The following FGFR1 variants were observed in gnomAD, a reference collection of about 807,000 sequenced individuals.
FGFR1 encodes FGFR1/PLAG1 fusion.
FGFR1 carries 18 observed loss-of-function variants against 93.7 expected under a neutral mutation model. The ratio of observed to expected loss-of-function variants is 0.19; its 90% confidence interval spans 0.13 to 0.28. FGFR1 has a LOEUF of 0.28. Among genes scored for constraint, FGFR1 ranks in the 10% least tolerant of loss-of-function variants. The pLI is 1.00. For missense variants in FGFR1, 731 were observed against 1,080.4 expected (o/e 0.68, Z 4.53); for synonymous variants, 448 against 429.3 (o/e 1.04, Z -0.54).
At chr8:38,433,318 CTT>C (rs947126620) in intron 2 of FGFR1, among the ~76,000 whole-genome samples, 2 of 146,050 alleles carry the variant, frequency 1.4e-5, no homozygotes, top group Admixed American at 6.9e-5. Flanking sequence ...GACAAAGACC[CTT>C]TTTTTTTTTT....
At chr8:38,454,441 C>T (rs919776592) in intron 2 of FGFR1, among the ~76,000 whole-genome samples, 1 of 152,218 alleles carries the variant, frequency 6.6e-6, no homozygotes, top group Non-Finnish European at 1.5e-5. Context: ...CCTCAAACCT[C>T]CCACTCTGAC....
chr8:38,443,552 G>A (rs1445369774), intron 2 of FGFR1, among the ~76,000 whole-genome samples: 1 of 151,592 alleles, frequency 6.6e-6, no homozygotes, highest in Non-Finnish European at 1.5e-5. Context: ...GTGCACCTGT[G>A]GTCCCAGCTA....
intron 2 of FGFR1, among the ~76,000 whole-genome samples, chr8:38,453,754 T>C (rs915529731): frequency 6.6e-6 from 1 of 152,050 alleles, no homozygotes; most frequent in African/African-American, 2.4e-5. Flanking sequence ...TAGCCAGGCA[T>C]AGTGGTGAGC....
rs1394590707 is a variant in FGFR1 at position 38,417,588 on chromosome 8, AGGTGGTAGTGAGTG to A, written c.1553-186_1553-173del. ...CTCTCATGGGAGCCGTTGTTGCAAT[AGGTGGTAGTGAGTG>A]GGCAGGGATGTGGTGAGGAAAGCCT... is the stretch of plus-strand genomic sequence containing the variant. On this transcript the variant is annotated intron_variant, in intron 11 of 17. Transcript: ENST00000447712. 6.7e-6 allele frequency: 5 copies of A among 741,094 alleles called. No individual in the cohort carries two copies. In the African/African-American group the frequency reaches 8.7e-5, roughly 13 times the overall value. 45.9% of individuals were successfully genotyped at this position (741,094 alleles called of 1,614,324 possible).
In FGFR1 at chr8:38,413,876, T is replaced by C. The variant is rs1312740936; in HGVS notation, c.2292+42A>G. 2 of 1,613,128 alleles carry C rather than the reference T, an allele frequency of 1.2e-6. No homozygotes were observed. The highest frequency in any genetic ancestry group is 2.7e-5 in the African/African-American group (2 of 74,822). On this transcript the variant is annotated intron_variant, in intron 17 of 17. Coordinates refer to ENST00000447712, the MANE Select transcript of FGFR1 (RefSeq NM_023110.3). The surrounding 1 kb of genome is among the most constrained non-coding windows in gnomAD (Gnocchi z 4.2). ...TGCTCAGGGAGGTGCGTGCACGCAG[T>C]GGGGACGGCCTGAGCTCTGGCTCTG...
intron 2 of FGFR1, among the ~76,000 whole-genome samples, chr8:38,443,724 G>A (rs1405274740): frequency 6.6e-6 from 1 of 151,376 alleles, no homozygotes; most frequent in African/African-American, 2.4e-5. Flanking sequence ...AGTTAAAATG[G>A]TTAATTTTAT....
rs1820144638 is a variant in FGFR1 at position 38,424,802 on chromosome 8, T to C, written c.746-103A>G. 2 of 1,212,196 alleles carry C rather than the reference T, an allele frequency of 1.6e-6. No individual in the cohort carries two copies. Among genetic ancestry groups the C allele is most frequent in the African/African-American group, 1.5e-5 (1 of 66,664 alleles). 75.1% of individuals were successfully genotyped at this position (1,212,196 alleles called of 1,614,324 possible). A position where few individuals can be genotyped will look rare whatever the true frequency, so the allele number is the denominator to read the frequency against. On this transcript the variant is annotated intron_variant, in intron 6 of 17. Coordinates refer to ENST00000447712, the MANE Select transcript of FGFR1 (RefSeq NM_023110.3). The surrounding 1 kb of genome is among the most constrained non-coding windows in gnomAD (Gnocchi z 4.3). ...ACTTGGCTTTCCCAGTGATGGGTTG[T>C]AAACCTCCCAGCACTTCTGCTGAGC...
At chr8:38,447,992 T>C (rs1029563366) in intron 2 of FGFR1, among the ~76,000 whole-genome samples, 4 of 152,188 alleles carry the variant, frequency 2.6e-5, no homozygotes, top group African/African-American at 7.2e-5. Flanking sequence ...TGGATCAACT[T>C]TGTACACCCA....
At position 38,429,667 on chromosome 8, in the gene FGFR1, G is replaced by A. The variant is rs1182645697; in HGVS notation, c.358+15C>T. 2 of 1,560,158 alleles carry A rather than the reference G, an allele frequency of 1.3e-6. No homozygotes were observed. The highest frequency in any genetic ancestry group is 2.4e-5 in the South Asian group (2 of 84,558). On this transcript the variant is annotated intron_variant, in intron 3 of 17. Transcript: ENST00000447712. This position sits in a 1 kb window ranked among gnomAD's most constrained non-coding sequence, Gnocchi z 4.4. ...TGGGTCTAGGGAGGGGCAAGGGCAGGGCTTGGCTACCAACCTGAAACATTG... is the reference window on the plus strand; with the variant it reads ...TGGGTCTAGGGAGGGGCAAGGGCAGAGCTTGGCTACCAACCTGAAACATTG...
At chr8:38,436,999 C>G (rs1024929134) in intron 2 of FGFR1, among the ~76,000 whole-genome samples, 2 of 152,200 alleles carry the variant, frequency 1.3e-5, no homozygotes, top group Admixed American at 1.3e-4. Context: ...TCTCGTGCCT[C>G]AGTCCCGAGT....
At chr8:38,450,192 G>A (rs966837032) in intron 2 of FGFR1, among the ~76,000 whole-genome samples, 3 of 152,212 alleles carry the variant, frequency 2.0e-5, no homozygotes, top group South Asian at 2.1e-4. Flanking sequence ...GAGTATGGTG[G>A]GTGGGGAGAA....
In FGFR1 at chr8:38,424,177, G is replaced by A. The variant is rs1819866737; in HGVS notation, c.936+332C>T. The A allele has an allele frequency of 4.3e-6, 2 of 465,068 alleles. No homozygotes were observed. The highest frequency in any genetic ancestry group is 8.2e-6 in the Non-Finnish European group (2 of 243,444). 28.8% of individuals were successfully genotyped at this position (465,068 alleles called of 1,614,324 possible). A position where few individuals can be genotyped will look rare whatever the true frequency, so the allele number is the denominator to read the frequency against. On this transcript the variant is annotated intron_variant, in intron 7 of 17. Coordinates refer to ENST00000447712, the MANE Select transcript of FGFR1 (RefSeq NM_023110.3). This position sits in a 1 kb window ranked among gnomAD's most constrained non-coding sequence, Gnocchi z 4.3. ...AGACTGGGAAACGCTTGGTGGAAAG[G>A]CTCTGGTTTCGGGCAATGAAAAGGC... is the stretch of plus-strand genomic sequence containing the variant.
At chr8:38,456,883 T>C (rs926261896) in intron 2 of FGFR1, among the ~76,000 whole-genome samples, 11 of 152,236 alleles carry the variant, frequency 7.2e-5, no homozygotes, top group African/African-American at 2.4e-4. Context: ...GATGTGGCCT[T>C]GAAACAATTT....
chr8:38,426,297 C>T lies in FGFR1; in HGVS notation c.622-52G>A, dbSNP rs770077966. The T allele has an allele frequency of 6.2e-7, 1 of 1,611,648 alleles. No individual in the cohort carries two copies. On this transcript the variant is annotated intron_variant, in intron 5 of 17. Transcript: ENST00000447712. This position sits in a 1 kb window ranked among gnomAD's most constrained non-coding sequence, Gnocchi z 4.1. ...TTGAGGGTCCAGAGGAAAATGCAGGCCCCATGACAATGTCGGCACCCCGTG... is the reference window on the plus strand; with the variant it reads ...TTGAGGGTCCAGAGGAAAATGCAGGTCCCATGACAATGTCGGCACCCCGTG...
At position 38,414,600 on chromosome 8, in the gene FGFR1, G is replaced by A. The variant is rs760681522; in HGVS notation, c.2007C>T (p.Pro669=). The change falls in exon 15 of 18, where the codon CCC becomes CCT. Residue 669 remains proline (P), a synonymous_variant. Coordinates refer to ENST00000447712, the MANE Select transcript of FGFR1 (RefSeq NM_023110.3). ...TGTAGATCCGGTCAAATAATGCCTC[G>A]GGTGCCATCCACTTCACAGGCAGTC... ...NGRLPVKWMA[P]EALFDRIYTH... 11 of 1,336,286 alleles carry A rather than the reference G, an allele frequency of 8.2e-6. No individual in the cohort carries two copies. In the Admixed American group the frequency reaches 1.5e-4, roughly 18 times the overall value. The allele number at this position is 1,336,286 out of a possible 1,614,324, so 82.8% of individuals were successfully genotyped here.
At chr8:38,447,918 G>C (rs1829859310) in intron 2 of FGFR1, among the ~76,000 whole-genome samples, 1 of 152,188 alleles carries the variant, frequency 6.6e-6, no homozygotes, top group Non-Finnish European at 1.5e-5. Context: ...GATTTTATTT[G>C]TAAGAATATG....
chr8:38,467,949 C>A lies in FGFR1; in HGVS notation c.-89+32G>T, dbSNP rs1200935800. The A allele has an allele frequency of 6.5e-5, 14 of 216,542 alleles. No individual in the cohort carries two copies. In the Admixed American group the frequency reaches 8.2e-4, roughly 13 times the overall value. The allele number at this position is 216,542 out of a possible 1,614,324, so 13.4% of individuals were successfully genotyped here. A position where few individuals can be genotyped will look rare whatever the true frequency, so the allele number is the denominator to read the frequency against. On this transcript the variant is annotated intron_variant, in intron 1 of 17. Coordinates refer to ENST00000447712, the MANE Select transcript of FGFR1 (RefSeq NM_023110.3). ...CGGGGGCCGCTCGGGACGCCAAGCCCGCCCCAGATCCGGGGGCGCCGCGGC... is the reference window on the plus strand; with the variant it reads ...CGGGGGCCGCTCGGGACGCCAAGCCAGCCCCAGATCCGGGGGCGCCGCGGC...
At chr8:38,440,030 C>T (rs149476689) in intron 2 of FGFR1, among the ~76,000 whole-genome samples, 92 of 152,304 alleles carry the variant, frequency 6.0e-4, no homozygotes, top group African/African-American at 2.1e-3. Flanking sequence ...TCTATCATCC[C>T]TATTCCATCT....
In FGFR1 at chr8:38,427,994, G is replaced by A. The variant is rs1821398486; in HGVS notation, c.548C>T (p.Thr183Ile). The A allele has an allele frequency of 6.2e-7, 1 of 1,614,120 alleles. No individual in the cohort carries two copies. The highest frequency in any genetic ancestry group is 8.5e-7 in the Non-Finnish European group (1 of 1,180,050). The change falls in exon 5 of 18, where the codon ACC (threonine) becomes ATC (isoleucine). Residue 183 changes from threonine (T) to isoleucine (I), a missense_variant. By Grantham distance (89) the Thr-to-Ile change is moderately conservative. Coordinates refer to ENST00000447712, the MANE Select transcript of FGFR1 (RefSeq NM_023110.3). The stretch of plus-strand genomic sequence containing the variant: ...CAACCAGCGCAGTGTGGGGTTTGGG[G>A]TCCCACTGGAAGGGCATTTGAACTT... ...TVKFKCPSSG[T>I]PNPTLRWLKN...
Sources: gnomAD v4.1 joint callset for allele counts (sites outside exome capture counted in the v4.1 genomes callset) on GRCh38, gnomAD v4.1.1 for gene constraint, Gnocchi (gnomAD v3.1) non-coding constraint, MANE v1.5 for transcripts, NCBI Gene and HGNC (gene_info 2026-07-23, HGNC 2026-07-21) for gene names.